Variants in SYT7 observed in about 807,000 individuals in gnomAD.
SYT7 encodes synaptotagmin 7, also known as synaptotagmin-7.
A neutral mutation model predicts 75.1 loss-of-function variants in SYT7; 29 were observed. The observed-to-expected ratio is 0.39, with a 90% CI of 0.29 to 0.53. The LOEUF is 0.53. Among genes scored for constraint, SYT7 ranks in the 20% least tolerant of loss-of-function variants. The pLI is 0.77. For missense variants in SYT7, 693 were observed against 953.2 expected, an observed-to-expected ratio of 0.73 and a Z score of 3.59; for synonymous variants, 376 against 401.7, an observed-to-expected ratio of 0.94 and a Z score of 0.76.
At chr11:61,519,153 A>G (rs2062231422) in intron 12 of SYT7, among the ~76,000 whole-genome samples, 1 of 152,212 alleles carries the variant, frequency 6.6e-6, no homozygotes, top group Non-Finnish European at 1.5e-5. Flanking sequence ...ATAGATCATC[A>G]AATCCTACAA....
At chr11:61,569,558 A>C (rs1439120193) in intron 1 of SYT7, among the ~76,000 whole-genome samples, 3 of 152,124 alleles carry the variant, frequency 2.0e-5, no homozygotes, top group Non-Finnish European at 4.4e-5. Flanking sequence ...CGCAGGAAGA[A>C]AGGAGGAATC....
chr11:61,544,595 C>A (rs1384760399), intron 5 of SYT7, among the ~76,000 whole-genome samples: 1 of 152,146 alleles, frequency 6.6e-6, no homozygotes, highest in East Asian at 1.9e-4. Context: ...GCAGCTGCCT[C>A]CTCCCCCTCC....
chr11:61,524,024 C>A lies in SYT7; in HGVS notation c.1642-83G>T. 1 of 1,265,214 alleles carries A rather than the reference C, an allele frequency of 7.9e-7. No individual in the cohort carries two copies. The allele number at this position is 1,265,214 out of a possible 1,614,324, so 78.4% of individuals were successfully genotyped here. On this transcript the variant is annotated intron_variant, in intron 10 of 12. Coordinates refer to ENST00000539008, the MANE Select transcript of SYT7 (RefSeq NM_001365809.2). The surrounding 1 kb of genome is among the most constrained non-coding windows in gnomAD (Gnocchi z 4.1). ...CCTAGCTGCCCCCAGGTCCCCTCTACCCTGACCTTGGTGCTTACCCATGCC... is the reference window on the plus strand; with the variant it reads ...CCTAGCTGCCCCCAGGTCCCCTCTAACCTGACCTTGGTGCTTACCCATGCC...
chr11:61,533,596 T>C (rs2062777506), intron 7 of SYT7: 1 of 985,408 alleles, frequency 1.0e-6, no homozygotes, highest in African/African-American at 1.7e-5. Context: ...GTTTCCCAGA[T>C]GCCCCACCTG....
At position 61,514,583 on chromosome 11, in the gene SYT7, A is replaced by G. The variant is rs1431895855; in HGVS notation, c.*4044T>C. ...AGTACCCTGAGAGCTGCGGGGGCTC[A>G]GCTTCCCCTGGGCTGGGTGGGGAAG... On this transcript the variant is annotated 3_prime_UTR_variant, in exon 13 of 13. Coordinates refer to ENST00000539008, the MANE Select transcript of SYT7 (RefSeq NM_001365809.2). 6.6e-6 allele frequency among the ~76,000 whole-genome samples: 1 copy of G among 152,138 alleles called. No homozygotes were observed. The highest frequency in any genetic ancestry group is 2.4e-5 in the African/African-American group (1 of 41,422).
At chr11:61,557,698 C>T (rs2063534007) in intron 1 of SYT7, among the ~76,000 whole-genome samples, 1 of 152,238 alleles carries the variant, frequency 6.6e-6, no homozygotes, top group Non-Finnish European at 1.5e-5. Context: ...AGCCTCAACC[C>T]CCCGGAAGCC....
At chr11:61,560,369 C>G (rs1399993475) in intron 1 of SYT7, among the ~76,000 whole-genome samples, 1 of 152,138 alleles carries the variant, frequency 6.6e-6, no homozygotes, top group Non-Finnish European at 1.5e-5. Flanking sequence ...CTGTTCCTGT[C>G]TGTGTTCTTG....
intron 1 of SYT7, among the ~76,000 whole-genome samples, chr11:61,568,717 G>GC (rs1431929300): frequency 6.6e-6 from 1 of 152,156 alleles, no homozygotes; most frequent in African/African-American, 2.4e-5. Context: ...GACCACTCCA[G>GC]CCCCCCACCA....
chr11:61,547,038 G>C, intron 4 of SYT7, 139 bp downstream of exon 4: 1 of 1,115,432 alleles, frequency 9.0e-7, no homozygotes, highest in Non-Finnish European at 1.3e-6. Context: ...CCATGGGGTG[G>C]ATGGGTGGGG....
In SYT7 at chr11:61,546,118, C is replaced by A; in HGVS notation, c.485G>T (p.Ser162Ile). The A allele has an allele frequency of 6.5e-7, 1 of 1,529,860 alleles. No individual in the cohort carries two copies. The allele number at this position is 1,529,860 out of a possible 1,614,324, so 94.8% of individuals were successfully genotyped here. Residue 162 changes from serine (S) to isoleucine (I), a missense_variant, in exon 5 of 13, where the codon AGC becomes ATC. Coordinates refer to ENST00000539008, the MANE Select transcript of SYT7 (RefSeq NM_001365809.2). The surrounding 1 kb of genome is among the most constrained non-coding windows in gnomAD (Gnocchi z 7.6). ...CGCCTTGCCACCGCTGCCCGGCTCG[C>A]TGGGGGCAGCCCCGCCGCTTCTCAA... is the stretch of plus-strand genomic sequence containing the variant. ...DALRSGGAAPSEPGSGGKAGR... is the reference protein window; with the variant it reads ...DALRSGGAAPIEPGSGGKAGR...
chr11:61,541,964 A>G (rs956346301), intron 6 of SYT7, among the ~76,000 whole-genome samples: 1 of 152,158 alleles, frequency 6.6e-6, no homozygotes, highest in Non-Finnish European at 1.5e-5. Context: ...TTTAGGGGGA[A>G]CTTCCCTGAG....
At chr11:61,575,960 T>C (rs1245751897) in intron 1 of SYT7, among the ~76,000 whole-genome samples, 5 of 152,046 alleles carry the variant, frequency 3.3e-5, no homozygotes, top group African/African-American at 1.2e-4. Context: ...TTTGCAGGGG[T>C]TCCAGCTCAC....
Position 61,556,111 on chromosome 11 carries a change from C to G in SYT7, c.128G>C (p.Arg43Pro). 4 of 1,613,360 alleles carry G rather than the reference C, an allele frequency of 2.5e-6. No homozygotes were observed. The highest frequency in any genetic ancestry group is 3.4e-6 in the Non-Finnish European group (4 of 1,179,664). Residue 43 changes from arginine to proline, a missense_variant, in exon 2 of 13, where the codon CGC becomes CCC. Physicochemically the swap from Arg to Pro is moderately radical, Grantham distance 103. This residue lies in a region of SYT7 where 487 missense variants were observed against 593.2 expected (regional missense o/e 0.82). Transcript: ENST00000539008. The part of the protein sequence containing the change: ...VLCGLCHWCQ[R>P]KLGKRYKNSL... ...GGCCCTCAGGAGCCTCACCAGTTTGCGCTGACACCAGTGGCAGAGGCCGCA... is the reference window on the plus strand; with the variant it reads ...GGCCCTCAGGAGCCTCACCAGTTTGGGCTGACACCAGTGGCAGAGGCCGCA...
chr11:61,528,165 C>T lies in SYT7; in HGVS notation c.1221G>A (p.Glu407=). The change falls in exon 9 of 13, where the codon GAG becomes GAA. Residue 407 remains glutamate (E), a synonymous_variant. Transcript: ENST00000539008. Reference sequence around the variant, plus strand: ...GGCTGCAACCCTCGTGGGCCTCATCCTCCTCGGAGCCTGGGGAGAGCTGGG... The same window carrying T: ...GGCTGCAACCCTCGTGGGCCTCATCTTCCTCGGAGCCTGGGGAGAGCTGGG... The part of the protein sequence containing the change: ...EMLMLSPGSE[E]DEAHEGCSRE... The T allele has an allele frequency of 1.9e-6, 3 of 1,612,096 alleles. No individual in the cohort carries two copies. Among genetic ancestry groups the T allele is most frequent in the Non-Finnish European group, 1.7e-6 (2 of 1,179,938 alleles).
intron 1 of SYT7, among the ~76,000 whole-genome samples, chr11:61,578,379 T>A (rs74421430): frequency 6.6e-6 from 1 of 151,640 alleles, no homozygotes; most frequent in Non-Finnish European, 1.5e-5. Flanking sequence ...TTTTTTTTTT[T>A]AAGGATTGGG....
chr11:61,560,137 A>G (rs78617848), intron 1 of SYT7, among the ~76,000 whole-genome samples: 164 of 152,330 alleles, frequency 1.1e-3, no homozygotes, highest in African/African-American at 3.9e-3. Context: ...AGAGGGGTCA[A>G]ATACCATGTC....
intron 1 of SYT7, among the ~76,000 whole-genome samples, chr11:61,575,487 C>A (rs1590959669): frequency 6.6e-6 from 1 of 152,336 alleles, no homozygotes; most frequent in East Asian, 1.9e-4. Flanking sequence ...CACATACTAA[C>A]AGCCCCACAC....
intron 5 of SYT7, among the ~76,000 whole-genome samples, chr11:61,544,192 C>T (rs1367129322): frequency 1.3e-5 from 2 of 152,132 alleles, no homozygotes; most frequent in Non-Finnish European, 2.9e-5. Flanking sequence ...GGTCTAGGGC[C>T]ATGGGGCAGC....
At chr11:61,562,597 C>T (rs1224478784) in intron 1 of SYT7, among the ~76,000 whole-genome samples, 1 of 152,204 alleles carries the variant, frequency 6.6e-6, no homozygotes, top group Non-Finnish European at 1.5e-5. Flanking sequence ...ATTGGATACA[C>T]TCTAGTTTTC....
Sources: allele counts gnomAD v4.1 joint callset (sites outside exome capture counted in the v4.1 genomes callset), GRCh38; gene constraint gnomAD v4.1.1; regional missense constraint gnomAD v4.1.1; non-coding constraint Gnocchi (gnomAD v3.1); transcripts MANE v1.5; gene names NCBI Gene and HGNC (gene_info 2026-07-23, HGNC 2026-07-21).